The following SLC35F1 variants were observed in gnomAD, a reference collection of about 807,000 sequenced individuals.
SLC35F1 encodes solute carrier family 35 member F1, also known as chromosome 6 open reading frame 169.
SLC35F1 carries 14 observed loss-of-function variants against 48.7 expected under a neutral mutation model. The observed-to-expected ratio is 0.29, with a 90% CI of 0.19 to 0.45. The LOEUF (loss-of-function observed/expected upper bound fraction) is 0.45, where lower values mean the gene tolerates loss of function less well. Among genes scored for constraint, SLC35F1 ranks in the 20% least tolerant of loss-of-function variants. The probability of loss-of-function intolerance (pLI) is 1.00; values close to 1 mark genes in which losing one functional copy is unlikely to be tolerated. For synonymous variants in SLC35F1, 190 were observed against 202.2 expected, an observed-to-expected ratio of 0.94 and a Z score of 0.51; for missense variants, 404 against 500.0, an observed-to-expected ratio of 0.81 and a Z score of 1.83.
intron 1 of SLC35F1, among the ~76,000 whole-genome samples, chr6:117,995,167 G>A (rs1776969062): frequency 6.6e-6 from 1 of 152,168 alleles, no homozygotes; most frequent in Non-Finnish European, 1.5e-5. Context: ...TTTTTAACTG[G>A]TGAATAGCTT....
chr6:118,269,992 C>G (rs1405114145), intron 4 of SLC35F1, among the ~76,000 whole-genome samples: 4 of 152,156 alleles, frequency 2.6e-5, no homozygotes, highest in African/African-American at 2.4e-5. Flanking sequence ...TGCACCACTG[C>G]ACTCTAGCCT....
intron 1 of SLC35F1, among the ~76,000 whole-genome samples, chr6:117,931,259 C>T (rs951794904): frequency 1.3e-5 from 2 of 152,130 alleles, no homozygotes; most frequent in East Asian, 3.8e-4. Flanking sequence ...TTTTAAAAAA[C>T]TACTTGCTCC....
At chr6:118,014,921 C>T (rs1181838588) in intron 1 of SLC35F1, among the ~76,000 whole-genome samples, 1 of 152,116 alleles carries the variant, frequency 6.6e-6, no homozygotes, top group Admixed American at 6.6e-5. Context: ...GTGTCCCCAC[C>T]CAAATCTCAT....
intron 2 of SLC35F1, among the ~76,000 whole-genome samples, chr6:118,162,063 C>G (rs1774244203): frequency 6.6e-6 from 1 of 152,150 alleles, no homozygotes; most frequent in Admixed American, 6.5e-5. Context: ...GATCTACATA[C>G]AAATACTCAT....
At chr6:117,921,839 C>T (rs948283918) in intron 1 of SLC35F1, among the ~76,000 whole-genome samples, 1 of 152,100 alleles carries the variant, frequency 6.6e-6, no homozygotes, top group Non-Finnish European at 1.5e-5. Context: ...TAAGATTGTT[C>T]ATTTTGGATA....
At chr6:118,094,648 G>A (rs757296692) in intron 1 of SLC35F1, among the ~76,000 whole-genome samples, 43 of 152,090 alleles carry the variant, frequency 2.8e-4, no homozygotes, top group Non-Finnish European at 5.9e-4. Flanking sequence ...CCAGGGGAAA[G>A]GGGTGTCCAG....
intron 7 of SLC35F1, among the ~76,000 whole-genome samples, chr6:118,296,417 T>C (rs1776184079): frequency 6.6e-6 from 1 of 152,212 alleles, no homozygotes; most frequent in African/African-American, 2.4e-5. Context: ...CTCAGTCACA[T>C]GGCCACACCT....
At chr6:117,985,417 T>G (rs1258851658) in intron 1 of SLC35F1, among the ~76,000 whole-genome samples, 1 of 152,236 alleles carries the variant, frequency 6.6e-6, no homozygotes, top group African/African-American at 2.4e-5. Flanking sequence ...AATGGGCACA[T>G]GGAGGGAGAA....
chr6:117,915,142 C>T (rs1018474096), intron 1 of SLC35F1, among the ~76,000 whole-genome samples: 3 of 152,048 alleles, frequency 2.0e-5, no homozygotes, highest in African/African-American at 7.3e-5. Flanking sequence ...TTAAAATATG[C>T]AAGAGTATAT....
intron 7 of SLC35F1, among the ~76,000 whole-genome samples, chr6:118,299,270 G>C (rs1372940574): frequency 6.6e-6 from 1 of 152,140 alleles, no homozygotes; most frequent in Non-Finnish European, 1.5e-5. Context: ...TGTCCATAGA[G>C]ACAAATCTGA....
chr6:118,118,184 C>G (rs1773499317), intron 1 of SLC35F1, among the ~76,000 whole-genome samples: 2 of 152,138 alleles, frequency 1.3e-5, no homozygotes, highest in Non-Finnish European at 2.9e-5. Flanking sequence ...GCATTTCCAC[C>G]TGCAACATAG....
rs921345104 is a variant in SLC35F1, at chr6:118,056,368, C to G, written c.174-98077C>G. 1.4e-4 allele frequency among the ~76,000 whole-genome samples: 21 copies of G among 152,164 alleles called. No homozygotes were observed. The East Asian group carries it at 3.9e-3, about 28-fold the overall frequency. ...GAATTAAATCCTGACATAGTGTAAG[C>G]AGATAAATATACATCTCAAAAGCAG... On this transcript the variant is annotated intron_variant, in intron 1 of 7. Coordinates refer to ENST00000360388, the MANE Select transcript of SLC35F1 (RefSeq NM_001029858.4).
intron 1 of SLC35F1, among the ~76,000 whole-genome samples, chr6:118,066,046 A>G (rs1772609451): frequency 6.6e-6 from 1 of 152,198 alleles, no homozygotes; most frequent in South Asian, 2.1e-4. Context: ...GATTTACTGA[A>G]TCAGAAATTG....
At chr6:118,027,342 G>T (rs1161781358) in intron 1 of SLC35F1, among the ~76,000 whole-genome samples, 1 of 152,020 alleles carries the variant, frequency 6.6e-6, no homozygotes, top group Non-Finnish European at 1.5e-5. Context: ...GCAAATGTTT[G>T]TATAACTCTG....
intron 1 of SLC35F1, among the ~76,000 whole-genome samples, chr6:117,947,412 C>T (rs970668584): frequency 6.6e-6 from 1 of 152,132 alleles, no homozygotes; most frequent in Non-Finnish European, 1.5e-5. Context: ...TTGGGTTTTA[C>T]TCCTAGCACA....
intron 1 of SLC35F1, among the ~76,000 whole-genome samples, chr6:117,966,136 C>A (rs1013027764): frequency 4.3e-5 from 6 of 140,934 alleles, no homozygotes; most frequent in African/African-American, 1.6e-4. Context: ...CCACCGCCCC[C>A]CCCCCCACTC....
At chr6:118,107,073 C>G (rs1029379754) in intron 1 of SLC35F1, among the ~76,000 whole-genome samples, 1 of 152,178 alleles carries the variant, frequency 6.6e-6, no homozygotes, top group Non-Finnish European at 1.5e-5. Context: ...CAATGGATGG[C>G]AAGCTCAGTA....
At chr6:117,913,568 T>C (rs1775789401) in intron 1 of SLC35F1, among the ~76,000 whole-genome samples, 1 of 152,182 alleles carries the variant, frequency 6.6e-6, no homozygotes, top group Non-Finnish European at 1.5e-5. Context: ...GTTCTGACAC[T>C]TTGGAATTAT....
In SLC35F1 at chr6:118,204,985, G is replaced by A. The variant is rs370949504; in HGVS notation, c.350-30524G>A. On this transcript the variant is annotated intron_variant, in intron 2 of 7. Coordinates refer to ENST00000360388, the MANE Select transcript of SLC35F1 (RefSeq NM_001029858.4). ...AAGACCCAGGCTGACAGAAAGCTAC[G>A]CTGGAGCTCCCTAGTAAGGCAGGAA... Among the ~76,000 whole-genome samples, 5 of 152,296 alleles carry A rather than the reference G, an allele frequency of 3.3e-5. No individual in the cohort carries two copies. The East Asian group carries it at 7.7e-4, about 23-fold the overall frequency.
Sources: gnomAD v4.1 joint callset for allele counts (sites outside exome capture counted in the v4.1 genomes callset) on GRCh38, gnomAD v4.1.1 for gene constraint, MANE v1.5 for transcripts, NCBI Gene and HGNC (gene_info 2026-07-23, HGNC 2026-07-21) for gene names.